The following SCP2 variants were observed in gnomAD, a reference collection of about 807,000 sequenced individuals.
SCP2 encodes the protein sterol carrier protein 2, also known as SCP-2/3-oxoacyl-CoA thiolase.
Under a neutral mutation model 71.4 loss-of-function variants are expected in SCP2, and 48 were observed. The ratio of observed to expected loss-of-function variants is 0.67; its 90% CI spans 0.53 to 0.86. The LOEUF is 0.86. SCP2 is among the 40% of genes least tolerant of loss of function. SCP2 has a pLI of 0.00. For missense variants in SCP2, 560 were observed against 655.6 expected (o/e 0.85, Z 1.59); for synonymous variants, 220 against 218.1 (o/e 1.01, Z -0.08).
chr1:52,934,375 AT>A (rs1255539082), intron 1 of SCP2, among the ~76,000 whole-genome samples: 55 of 152,032 alleles, frequency 3.6e-4, no homozygotes, highest in African/African-American at 1.3e-3. Context: ...TTTTGGAATT[AT>A]ATAAAGTCAA....
chr1:52,950,184 C>T (rs1274223914), intron 3 of SCP2, among the ~76,000 whole-genome samples: 8 of 152,044 alleles, frequency 5.3e-5, no homozygotes, highest in Admixed American at 1.3e-4. Flanking sequence ...TGCAGTGGTG[C>T]GATCTAGGCT....
chr1:53,044,024 A>C (rs1016971910), intron 14 of SCP2, among the ~76,000 whole-genome samples: 2 of 151,970 alleles, frequency 1.3e-5, no homozygotes, highest in African/African-American at 4.8e-5. Context: ...CAGTGATTTA[A>C]TACTATAGGC....
At chr1:53,021,381 A>G (rs1270155691) in intron 12 of SCP2, among the ~76,000 whole-genome samples, 1 of 148,126 alleles carries the variant, frequency 6.8e-6, no homozygotes, top group Non-Finnish European at 1.5e-5. Context: ...CAGTTGCGCA[A>G]TCTTGGCTCA....
chr1:52,933,813 T>C (rs1438391585), intron 1 of SCP2, among the ~76,000 whole-genome samples: 2 of 152,242 alleles, frequency 1.3e-5, no homozygotes, highest in Non-Finnish European at 2.9e-5. Flanking sequence ...AGACTATTCA[T>C]AATAATACTA....
At chr1:53,043,259 A>T (rs1663559762) in intron 14 of SCP2, among the ~76,000 whole-genome samples, 1 of 152,214 alleles carries the variant, frequency 6.6e-6, no homozygotes, top group Admixed American at 6.5e-5. Flanking sequence ...TGTTGTGGGG[A>T]TTAAATGAGA....
intron 12 of SCP2, among the ~76,000 whole-genome samples, chr1:53,017,375 C>T (rs1661407455): frequency 1.3e-5 from 2 of 152,208 alleles, no homozygotes; most frequent in South Asian, 4.1e-4. Context: ...TCCTTCTCTT[C>T]TAGCCTCTGG....
intron 1 of SCP2, among the ~76,000 whole-genome samples, chr1:52,928,408 G>T (rs1486712088): frequency 1.3e-5 from 2 of 152,164 alleles, no homozygotes; most frequent in Non-Finnish European, 2.9e-5. Context: ...AGAGTTCCTA[G>T]GGAGAGTTCT....
chr1:52,931,787 G>A (rs750510696), intron 1 of SCP2, among the ~76,000 whole-genome samples: 33 of 152,066 alleles, frequency 2.2e-4, no homozygotes, highest in East Asian at 1.9e-4. Flanking sequence ...ACAAGACAAC[G>A]TCAACCCCCT....
chr1:52,989,588 G>A (rs979736377), intron 11 of SCP2, among the ~76,000 whole-genome samples: 8 of 152,124 alleles, frequency 5.3e-5, no homozygotes, highest in African/African-American at 1.7e-4. Context: ...TTAGAGAACT[G>A]TCATTATATG....
chr1:53,005,310 T>C (rs1660563250), intron 11 of SCP2, among the ~76,000 whole-genome samples: 2 of 152,194 alleles, frequency 1.3e-5, no homozygotes, highest in Admixed American at 1.3e-4. Flanking sequence ...GATCTGAGAA[T>C]GAACAGATTG....
chr1:52,956,764 G>A (rs1402079654), intron 5 of SCP2, among the ~76,000 whole-genome samples: 2 of 152,046 alleles, frequency 1.3e-5, no homozygotes, highest in Non-Finnish European at 2.9e-5. Flanking sequence ...TGAAAAATAT[G>A]TATTTTTTTC....
intron 4 of SCP2, among the ~76,000 whole-genome samples, chr1:52,954,051 C>A (rs954803713): frequency 1.3e-5 from 2 of 150,470 alleles, no homozygotes; most frequent in Non-Finnish European, 3.0e-5. Context: ...GTGGCTCATG[C>A]CTGTAATCCT....
At chr1:52,954,084 A>G (rs1335434253) in intron 4 of SCP2, among the ~76,000 whole-genome samples, 1 of 150,410 alleles carries the variant, frequency 6.6e-6, no homozygotes, top group Non-Finnish European at 1.5e-5. Context: ...GTCGGGGTGG[A>G]CAGATCGCTT....
chr1:52,978,733 T>G (rs1658206815), intron 9 of SCP2, among the ~76,000 whole-genome samples: 1 of 152,072 alleles, frequency 6.6e-6, no homozygotes, highest in African/African-American at 2.4e-5. Flanking sequence ...CGGCTAATGT[T>G]TGTATTTTTT....
intron 11 of SCP2, among the ~76,000 whole-genome samples, chr1:52,989,992 T>C (rs1395920166): frequency 2.8e-4 from 42 of 152,194 alleles, no homozygotes; most frequent in Admixed American, 2.7e-3. Context: ...GTAAACTGCC[T>C]GGCTGAGTAC....
At chr1:52,937,401 T>C (rs1204947403) in intron 1 of SCP2, among the ~76,000 whole-genome samples, 1 of 152,218 alleles carries the variant, frequency 6.6e-6, no homozygotes, top group Non-Finnish European at 1.5e-5. Context: ...AAAATATAAA[T>C]AGAACATTGC....
intron 14 of SCP2, among the ~76,000 whole-genome samples, chr1:53,047,479 C>G (rs979472663): frequency 6.6e-6 from 1 of 152,098 alleles, no homozygotes; most frequent in Admixed American, 6.6e-5. Flanking sequence ...TAGTTGAATT[C>G]TGTTTTAAGC....
chr1:53,039,876 T>C (rs1663297185), intron 14 of SCP2, among the ~76,000 whole-genome samples: 1 of 152,238 alleles, frequency 6.6e-6, no homozygotes, highest in Admixed American at 6.5e-5. Flanking sequence ...ACAAGTTTAC[T>C]TGGACACCTA....
At chr1:52,974,385 A>G (rs1202835193) in intron 6 of SCP2, among the ~76,000 whole-genome samples, 1 of 152,146 alleles carries the variant, frequency 6.6e-6, no homozygotes, top group East Asian at 1.9e-4. Flanking sequence ...CATGCCCTGG[A>G]GGGTGTGAGT....
Sources: allele counts gnomAD v4.1 joint callset (sites outside exome capture counted in the v4.1 genomes callset), GRCh38; gene constraint gnomAD v4.1.1; transcripts MANE v1.5; gene names NCBI Gene and HGNC (gene_info 2026-07-23, HGNC 2026-07-21).